HS1BP3: variants seen among roughly 807,000 people sequenced by gnomAD.
HS1BP3 encodes HCLS1 binding protein 3.
A neutral mutation model predicts 33.5 loss-of-function variants in HS1BP3; 32 were observed. That is an observed-to-expected ratio of 0.95 (90% CI 0.72 to 1.28). The LOEUF (loss-of-function observed/expected upper bound fraction) is 1.28. HS1BP3 is among the 50% of genes most tolerant of loss of function. The probability of loss-of-function intolerance (pLI) is 0.00; values close to 1 mark genes in which losing one functional copy is unlikely to be tolerated. For synonymous variants in HS1BP3, 187 were observed against 209.2 expected (o/e 0.89, Z 0.92); for missense variants, 486 against 502.3 (o/e 0.97, Z 0.31).
downstream of HS1BP3, chr2:20,590,861 C>T (rs984649361): frequency 1.2e-5 from 2 of 167,320 alleles, no homozygotes; most frequent in African/African-American, 4.8e-5. Flanking sequence ...ACCTCCTGGA[C>T]CAAGGACAAA....
chr2:20,580,385 A>T (rs187189341), intron 5 of HS1BP3, among the ~76,000 whole-genome samples: 138 of 152,248 alleles, frequency 9.1e-4, no homozygotes, highest in Non-Finnish European at 1.1e-3. Context: ...CAGGCGTATC[A>T]GTGTGCACCT....
intron 5 of HS1BP3, among the ~76,000 whole-genome samples, chr2:20,561,535 CA>C (rs1445883636): frequency 1.3e-5 from 2 of 152,134 alleles, no homozygotes; most frequent in African/African-American, 4.8e-5. Flanking sequence ...CACACACATA[CA>C]ACCCCTCCCC....
chr2:20,564,040 A>G (rs1418114832), intron 5 of HS1BP3, among the ~76,000 whole-genome samples: 3 of 152,180 alleles, frequency 2.0e-5, no homozygotes, highest in African/African-American at 7.2e-5. Flanking sequence ...GGAATAGGAA[A>G]AGGAGGGCTC....
At chr2:20,578,425 G>A (rs1693453306) in intron 5 of HS1BP3, among the ~76,000 whole-genome samples, 1 of 152,212 alleles carries the variant, frequency 6.6e-6, no homozygotes, top group Non-Finnish European at 1.5e-5. Flanking sequence ...TAACCAACCA[G>A]AAGTAGAGCC....
chr2:20,566,618 T>G (rs1427905137), intron 5 of HS1BP3, among the ~76,000 whole-genome samples: 1 of 151,790 alleles, frequency 6.6e-6, no homozygotes, highest in East Asian at 1.9e-4. Flanking sequence ...TTTTGTTTTT[T>G]TTTTTGAGAT....
chr2:20,599,617 C>T (rs1424400457), intron 2 of HS1BP3, among the ~76,000 whole-genome samples: 31 of 142,184 alleles, frequency 2.2e-4, no homozygotes, highest in African/African-American at 8.2e-4. Flanking sequence ...GTAACACACA[C>T]ACACACACAC....
chr2:20,561,535 C>T (rs148613842), intron 5 of HS1BP3, among the ~76,000 whole-genome samples: 163 of 152,252 alleles, frequency 1.1e-3, no homozygotes, highest in Admixed American at 3.1e-3. Flanking sequence ...CACACACATA[C>T]AACCCCTCCC....
intron 2 of HS1BP3, among the ~76,000 whole-genome samples, chr2:20,641,661 T>A (rs1695354705): frequency 1.3e-5 from 2 of 152,180 alleles, no homozygotes; most frequent in Non-Finnish European, 2.9e-5. Flanking sequence ...GACAGATATT[T>A]CCAAGGCTTG....
rs145809846 is a variant in HS1BP3 at position 20,619,972 on chromosome 2, C to T, written c.921-727G>A. ...AGGGCCCACCAAGACTCTGTCATGACCCCAGACCTCTAATCTCCCACTGGT... is the reference window on the plus strand; with the variant it reads ...AGGGCCCACCAAGACTCTGTCATGATCCCAGACCTCTAATCTCCCACTGGT... On this transcript the variant is annotated intron_variant, in intron 6 of 6. Coordinates refer to ENST00000304031, the MANE Select transcript of HS1BP3 (RefSeq NM_022460.4). Among the ~76,000 whole-genome samples, 684 of 152,322 alleles carry T rather than the reference C, an allele frequency of 4.5e-3. 2 individuals are homozygous for T. The highest frequency in any genetic ancestry group is 0.015 in the African/African-American group (632 of 41,578).
At chr2:20,590,528 G>T (rs79367050), downstream of HS1BP3, among the ~76,000 whole-genome samples, 1 of 152,216 alleles carries the variant, frequency 6.6e-6, no homozygotes, top group Admixed American at 6.5e-5. Flanking sequence ...TCTGGTTCCA[G>T]CTGTTGCTCT....
At chr2:20,615,285 G>T (rs1398194538), downstream of HS1BP3, among the ~76,000 whole-genome samples, 1 of 152,232 alleles carries the variant, frequency 6.6e-6, no homozygotes, top group Non-Finnish European at 1.5e-5. Context: ...CTGGCCGTTT[G>T]TGCCCACAGA....
At chr2:20,588,655 C>T (rs1304437658), downstream of HS1BP3, among the ~76,000 whole-genome samples, 3 of 152,232 alleles carry the variant, frequency 2.0e-5, no homozygotes, top group African/African-American at 4.8e-5. Flanking sequence ...GCTGGCGGCT[C>T]ACAAGGCCCC....
chr2:20,569,669 C>G (rs888778100), intron 5 of HS1BP3, among the ~76,000 whole-genome samples: 18 of 152,224 alleles, frequency 1.2e-4, no homozygotes, highest in African/African-American at 4.3e-4. Context: ...CCCACTGGTT[C>G]CCAGTGTCCT....
At chr2:20,588,241 C>G (rs148088104), downstream of HS1BP3, among the ~76,000 whole-genome samples, 2 of 152,234 alleles carry the variant, frequency 1.3e-5, no homozygotes, top group Admixed American at 1.3e-4. Flanking sequence ...TGTATTACTT[C>G]TATAATTGGA....
chr2:20,601,763 G>A (rs1011404666), intron 2 of HS1BP3, among the ~76,000 whole-genome samples: 1 of 129,674 alleles, frequency 7.7e-6, no homozygotes, highest in Non-Finnish European at 1.6e-5. Flanking sequence ...GTTTTCAAGT[G>A]TGTCTTCTTT....
intron 2 of HS1BP3, chr2:20,606,767 AATGCCTATGTAAATCCT>A (rs1276818898): frequency 1.0e-5 from 2 of 200,296 alleles, no homozygotes; most frequent in African/African-American, 4.7e-5. Context: ...TCTTTGAATA[AATGCCTATGTAAATCCT>A]ATGCCAATTT....
At chr2:20,616,409 A>C (rs1047397254), downstream of HS1BP3, among the ~76,000 whole-genome samples, 20 of 152,186 alleles carry the variant, frequency 1.3e-4, no homozygotes. Context: ...GCTGCATCTA[A>C]GAACCTGAGC....
intron 4 of HS1BP3, among the ~76,000 whole-genome samples, chr2:20,626,532 T>C (rs1694789783): frequency 6.6e-6 from 1 of 152,216 alleles, no homozygotes; most frequent in Non-Finnish European, 1.5e-5. Flanking sequence ...AAATGTCCCA[T>C]GAGGAAGGTG....
intron 5 of HS1BP3, among the ~76,000 whole-genome samples, chr2:20,571,730 C>T (rs984370914): frequency 1.3e-5 from 2 of 152,206 alleles, no homozygotes; most frequent in Non-Finnish European, 2.9e-5. Flanking sequence ...CTCACCAGAG[C>T]TTCCCCCAGG....
Sources: gnomAD v4.1 joint callset for allele counts (sites outside exome capture counted in the v4.1 genomes callset) on GRCh38, gnomAD v4.1.1 for gene constraint, MANE v1.5 for transcripts, NCBI Gene and HGNC (gene_info 2026-07-23, HGNC 2026-07-21) for gene names.